Variants in TNIP2 observed in about 807,000 individuals in gnomAD.
TNIP2 encodes TNFAIP3 interacting protein 2, also known as TNFAIP3-interacting protein 2.
Under a neutral mutation model 43.7 loss-of-function variants are expected in TNIP2, and 30 were observed. The ratio of observed to expected loss-of-function variants is 0.69; its 90% CI spans 0.51 to 0.93. TNIP2 has a LOEUF of 0.93. TNIP2 is among the 40% of genes least tolerant of loss of function. The pLI, the probability that TNIP2 is intolerant of heterozygous loss-of-function variation, is 0.00. For missense variants in TNIP2, 599 were observed against 591.0 expected, an observed-to-expected ratio of 1.01 and a Z score of -0.14; for synonymous variants, 260 against 254.6, an observed-to-expected ratio of 1.02 and a Z score of -0.20.
intron 1 of TNIP2, among the ~76,000 whole-genome samples, chr4:2,750,431 ATTT>A (rs1245394910): frequency 4.9e-5 from 7 of 142,930 alleles, no homozygotes; most frequent in Non-Finnish European, 7.6e-5. Flanking sequence ...TATTATTATT[ATTT>A]TATTATTTTA....
intron 1 of TNIP2, among the ~76,000 whole-genome samples, chr4:2,754,542 A>G (rs989511047): frequency 5.3e-5 from 8 of 151,824 alleles, no homozygotes; most frequent in Admixed American, 3.9e-4. Context: ...TCCGCCTCCC[A>G]AGTAGCTGGG....
intron 1 of TNIP2, among the ~76,000 whole-genome samples, chr4:2,750,431 A>ATTATT (rs1722072092): frequency 7.0e-6 from 1 of 142,930 alleles, no homozygotes; most frequent in South Asian, 2.2e-4. Context: ...TATTATTATT[A>ATTATT]TTTTATTATT....
At chr4:2,748,499 C>T (rs1027225560) in intron 1 of TNIP2, among the ~76,000 whole-genome samples, 8 of 152,028 alleles carry the variant, frequency 5.3e-5, no homozygotes, top group African/African-American at 9.7e-5. Flanking sequence ...CACGCCACCA[C>T]GCCCAGCTAA....
At position 2,745,494 on chromosome 4, in the gene TNIP2, A is replaced by C; in HGVS notation, c.609T>G (p.Ile203Met). 1 of 1,614,062 alleles carries C rather than the reference A, an allele frequency of 6.2e-7. No homozygotes were observed. The highest frequency in any genetic ancestry group is 1.1e-5 in the South Asian group (1 of 91,046). Residue 203 changes from isoleucine (I) to methionine (M), a missense_variant, in exon 3 of 6, where the codon ATT (isoleucine) becomes ATG (methionine). Coordinates refer to ENST00000315423, the MANE Select transcript of TNIP2 (RefSeq NM_024309.4). Reference sequence around the variant, plus strand: ...GTCGATTTTCTTCCTGCAACTTCTCAATAACACTCTGGACAGAGGTGTGCC... The same window carrying C: ...GTCGATTTTCTTCCTGCAACTTCTCCATAACACTCTGGACAGAGGTGTGCC... ...TDGHTSVQSV[I>M]EKLQEENRLL... is the part of the protein sequence containing the mutation.
At chr4:2,747,106 G>A (rs1024325035) in intron 2 of TNIP2, among the ~76,000 whole-genome samples, 6 of 152,378 alleles carry the variant, frequency 3.9e-5, no homozygotes, top group South Asian at 2.1e-4. Context: ...CCAAGCTTGC[G>A]GGAGGCCGTG....
intron 1 of TNIP2, among the ~76,000 whole-genome samples, chr4:2,750,154 A>C (rs1007449987): frequency 4.6e-5 from 7 of 152,282 alleles, no homozygotes; most frequent in African/African-American, 1.7e-4. Flanking sequence ...GTTTTCAAAG[A>C]ATCCTCCAAA....
At position 2,756,019 on chromosome 4, in the gene TNIP2, G is replaced by A. The variant is rs1224629136; in HGVS notation, c.271C>T (p.Arg91Cys). 1 of 1,548,254 alleles carries A rather than the reference G, an allele frequency of 6.5e-7. No homozygotes were observed. The highest frequency in any genetic ancestry group is 2.6e-5 in the East Asian group (1 of 38,074). ...QEGGAAEAQMRQEIERLTERL... is the reference protein window; with the variant it reads ...QEGGAAEAQMCQEIERLTERL... Reference sequence around the variant, plus strand: ...TCTGGTACCCGCCCTCGTACCTGGCGCATCTGGGCCTCGGCGGCGCCGCCC... The same window carrying A: ...TCTGGTACCCGCCCTCGTACCTGGCACATCTGGGCCTCGGCGGCGCCGCCC... Residue 91 changes from arginine (R) to cysteine (C), a missense_variant, in exon 1 of 6, where the codon CGC (arginine) becomes TGC (cysteine). Arg to Cys is a radical substitution (Grantham distance 180). Coordinates refer to ENST00000315423, the MANE Select transcript of TNIP2 (RefSeq NM_024309.4).
rs1363430131 is a variant in TNIP2, at chr4:2,754,060, ATTCT to A, written c.276+1950_276+1953del. ...ACTGTGGGACTACAGCGGCTATTTT[ATTCT>A]TTATTTTTCAGATATTCAAAATTGT... On this transcript the variant is annotated intron_variant, in intron 1 of 5. Coordinates refer to ENST00000315423, the MANE Select transcript of TNIP2 (RefSeq NM_024309.4). Among the ~76,000 whole-genome samples, 30 of 152,156 alleles carry A rather than the reference ATTCT, an allele frequency of 2.0e-4. 1 individual carries two copies.
intron 1 of TNIP2, 136 bp downstream of exon 1, chr4:2,755,878 G>A: frequency 5.2e-6 from 5 of 956,470 alleles, no homozygotes; most frequent in South Asian, 6.3e-5. Flanking sequence ...CTCAGGACCC[G>A]AGGCCAACTC....
At chr4:2,754,703 C>T (rs570368228) in intron 1 of TNIP2, among the ~76,000 whole-genome samples, 1 of 152,346 alleles carries the variant, frequency 6.6e-6, no homozygotes, top group African/African-American at 2.4e-5. Flanking sequence ...GCATGAGCCA[C>T]CGCGTCCGGA....
At position 2,744,813 on chromosome 4, in the gene TNIP2, G is replaced by A. The variant is rs771167137; in HGVS notation, c.790C>T (p.Leu264Phe). The A allele has an allele frequency of 6.2e-7, 1 of 1,613,640 alleles. No individual in the cohort carries two copies. The highest frequency in any genetic ancestry group is 2.2e-5 in the East Asian group (1 of 44,886). ...PELMRKEISR[L>F]NRQLEEKIND... The stretch of plus-strand genomic sequence containing the variant: ...ATTTTCTCTTCCAACTGTCTGTTGA[G>A]CCGGGAGATCTCCTTCCTCATCAGC... Residue 264 changes from leucine (L) to phenylalanine (F), a missense_variant, in exon 4 of 6, where the codon CTC becomes TTC. Coordinates refer to ENST00000315423, the MANE Select transcript of TNIP2 (RefSeq NM_024309.4). The surrounding 1 kb of genome is among the most constrained non-coding windows in gnomAD (Gnocchi z 5.1).
intron 1 of TNIP2, among the ~76,000 whole-genome samples, chr4:2,755,653 C>A (rs1336154387): frequency 2.9e-5 from 4 of 140,204 alleles, no homozygotes; most frequent in Non-Finnish European, 6.2e-5. Flanking sequence ...TCCCCTAGGA[C>A]CCAGGGTCCC....
chr4:2,745,130 C>T (rs113578664), intron 3 of TNIP2, among the ~76,000 whole-genome samples, 185 bp from the exon 4 acceptor site: 6 of 152,168 alleles, frequency 3.9e-5, no homozygotes, highest in African/African-American at 7.2e-5. Context: ...TGAGGCAGCA[C>T]GATGACACCC....
chr4:2,748,179 A>AT (rs999653728), intron 1 of TNIP2, among the ~76,000 whole-genome samples: 272 of 145,066 alleles, frequency 1.9e-3, no homozygotes, highest in Non-Finnish European at 2.0e-3. Context: ...TTCATCTCAA[A>AT]TTTTTTTTTT....
At position 2,747,925 on chromosome 4, in the gene TNIP2, C is replaced by T. The variant is rs768972168; in HGVS notation, c.297G>A (p.Glu99=). Residue 99 remains glutamate, a synonymous_variant, in exon 2 of 6, where the codon GAG becomes GAA. Transcript: ENST00000315423. ...QMRQEIERLT[E]RLEEKEREMQ... Reference sequence around the variant, plus strand: ...TCTCCCTCTCTTTTTCTTCTAGTCGCTCAGTCAGCCTCTCAATTTCCTAAG... The same window carrying T: ...TCTCCCTCTCTTTTTCTTCTAGTCGTTCAGTCAGCCTCTCAATTTCCTAAG... 3 of 1,612,216 alleles carry T rather than the reference C, an allele frequency of 1.9e-6. No individual in the cohort carries two copies. The highest frequency in any genetic ancestry group is 4.5e-5 in the East Asian group (2 of 44,880).
At chr4:2,748,081 G>T in intron 1 of TNIP2, 136 bp from the exon 2 acceptor site, 3 of 906,496 alleles carry the variant, frequency 3.3e-6, no homozygotes, top group South Asian at 1.7e-5. Flanking sequence ...GAAGTTGGGC[G>T]TTTGAACTAA....
rs1333318523 is a variant in TNIP2, at chr4:2,755,907, C to G, written c.276+107G>C. The G allele has an allele frequency of 1.0e-5, 14 of 1,354,682 alleles. 1 individual carries two copies. The Admixed American group carries it at 4.7e-4, about 45-fold the overall frequency. 83.9% of individuals were successfully genotyped at this position (1,354,682 alleles called of 1,614,324 possible). A position where few individuals can be genotyped will look rare whatever the true frequency, so the allele number is the denominator to read the frequency against. ...CCAACTCAACCCCAGGACCCAGTAC[C>G]CCCTCAACCCCTCAGGACCCGGGGC... is the stretch of plus-strand genomic sequence containing the variant. On this transcript the variant is annotated intron_variant, in intron 1 of 5. Coordinates refer to ENST00000315423, the MANE Select transcript of TNIP2 (RefSeq NM_024309.4).
At chr4:2,749,576 AG>A (rs1263326208) in intron 1 of TNIP2, among the ~76,000 whole-genome samples, 1 of 152,202 alleles carries the variant, frequency 6.6e-6, no homozygotes, top group Non-Finnish European at 1.5e-5. Context: ...ATAAAGGCCA[AG>A]GAACACCAAG....
rs1271726594 is a variant in TNIP2 at position 2,742,368 on chromosome 4, A to G, written c.1179T>C (p.Pro393=). ...CCCCCTGGCCTCTCTGGGCCGCGCC[A>G]GGATGCCCGCCCTCTGCAGGGGGTT... The part of the protein sequence containing the change: ...QPEPPAEGGH[P]GAAQRGQGDL... The change falls in exon 6 of 6, where the codon CCT becomes CCC. Residue 393 remains proline (P), a synonymous_variant. Transcript: ENST00000315423. 6.2e-7 allele frequency: 1 copy of G among 1,603,696 alleles called. No individual in the cohort carries two copies. The highest frequency in any genetic ancestry group is 8.5e-7 in the Non-Finnish European group (1 of 1,174,496).
Sources: allele counts gnomAD v4.1 joint callset (sites outside exome capture counted in the v4.1 genomes callset), GRCh38; gene constraint gnomAD v4.1.1; non-coding constraint Gnocchi (gnomAD v3.1); transcripts MANE v1.5; gene names NCBI Gene and HGNC (gene_info 2026-07-23, HGNC 2026-07-21).